KIAA1328: variants seen among roughly 807,000 people sequenced by gnomAD.
KIAA1328 encodes the protein protein hinderin.
KIAA1328 carries 52 observed loss-of-function variants against 68.1 expected under a neutral mutation model. The ratio of observed to expected loss-of-function variants is 0.76; its 90% confidence interval spans 0.61 to 0.96. The LOEUF is 0.96. Ranked by LOEUF, KIAA1328 falls within the 40% of genes least tolerant of loss-of-function variation. KIAA1328 has a pLI of 0.00. For synonymous variants in KIAA1328, 232 were observed against 239.4 expected (o/e 0.97, Z 0.28); for missense variants, 641 against 677.6 (o/e 0.95, Z 0.60).
chr18:36,952,995 C>T (rs1158102073), intron 5 of KIAA1328, among the ~76,000 whole-genome samples: 1 of 150,614 alleles, frequency 6.6e-6, no homozygotes, highest in Admixed American at 6.6e-5. Context: ...ACAACAAAAA[C>T]CAAAACCAAA....
downstream of KIAA1328, among the ~76,000 whole-genome samples, chr18:37,226,211 G>A (rs925997539): frequency 2.0e-5 from 3 of 151,904 alleles, no homozygotes; most frequent in African/African-American, 4.8e-5. Flanking sequence ...AGAGAGACGA[G>A]TCAAAGTCAA....
At chr18:36,942,870 C>T (rs2050764500) in intron 5 of KIAA1328, among the ~76,000 whole-genome samples, 1 of 152,088 alleles carries the variant, frequency 6.6e-6, no homozygotes, top group South Asian at 2.1e-4. Context: ...GTGACTTGAT[C>T]GACACATATG....
chr18:36,927,990 A>G (rs1390756434), intron 5 of KIAA1328, among the ~76,000 whole-genome samples: 1 of 152,190 alleles, frequency 6.6e-6, no homozygotes, highest in Non-Finnish European at 1.5e-5. Flanking sequence ...ACATATATAT[A>G]ATACTTAAAG....
chr18:37,001,715 A>T (rs2053591407), intron 6 of KIAA1328, among the ~76,000 whole-genome samples: 1 of 152,174 alleles, frequency 6.6e-6, no homozygotes, highest in Admixed American at 6.5e-5. Context: ...TAAATCAGTA[A>T]ATGTAGAACA....
At chr18:37,172,055 C>CA (rs2059510400) in intron 8 of KIAA1328, among the ~76,000 whole-genome samples, 1 of 152,334 alleles carries the variant, frequency 6.6e-6, no homozygotes, top group South Asian at 2.1e-4. Flanking sequence ...AGGTTGCACG[C>CA]AACCTGTTGC....
intron 5 of KIAA1328, among the ~76,000 whole-genome samples, chr18:36,905,909 A>G (rs1409169471): frequency 6.6e-6 from 1 of 152,164 alleles, no homozygotes. Context: ...GTAACTTCTC[A>G]TTCAGTGAGA....
chr18:37,041,235 G>C (rs1299448243), intron 6 of KIAA1328, among the ~76,000 whole-genome samples: 1 of 151,762 alleles, frequency 6.6e-6, no homozygotes, highest in Non-Finnish European at 1.5e-5. Context: ...TCAGTTGTCA[G>C]ACTTACATAT....
chr18:36,965,169 A>G (rs942175879), intron 6 of KIAA1328, among the ~76,000 whole-genome samples: 3 of 152,038 alleles, frequency 2.0e-5, no homozygotes, highest in Non-Finnish European at 2.9e-5. Context: ...GATTTCTTTT[A>G]TTTCCTTAAA....
At chr18:37,123,773 G>T (rs896349595) in intron 7 of KIAA1328, among the ~76,000 whole-genome samples, 1 of 152,016 alleles carries the variant, frequency 6.6e-6, no homozygotes, top group East Asian at 1.9e-4. Flanking sequence ...TGGAACAACC[G>T]TTTGTACAAG....
intron 7 of KIAA1328, among the ~76,000 whole-genome samples, chr18:37,115,537 G>A (rs927846681): frequency 1.3e-5 from 2 of 152,150 alleles, no homozygotes; most frequent in African/African-American, 2.4e-5. Flanking sequence ...AGCTATTTAT[G>A]ACAAACCCAC....
intron 5 of KIAA1328, among the ~76,000 whole-genome samples, chr18:36,948,142 G>C (rs2050976894): frequency 6.6e-6 from 1 of 151,944 alleles, no homozygotes; most frequent in South Asian, 2.1e-4. Flanking sequence ...AAGAAAGAGA[G>C]GTATCATGTG....
intron 9 of KIAA1328, among the ~76,000 whole-genome samples, chr18:37,186,642 A>G (rs1429444897): frequency 1.3e-5 from 2 of 151,152 alleles, no homozygotes; most frequent in Non-Finnish European, 2.9e-5. Flanking sequence ...AGATTTCTGG[A>G]TCTATGTTCT....
chr18:36,971,096 A>T (rs966382973), intron 6 of KIAA1328, among the ~76,000 whole-genome samples: 6 of 152,208 alleles, frequency 3.9e-5, no homozygotes, highest in Non-Finnish European at 5.9e-5. Context: ...CTGGTACCAA[A>T]GCAGATATAT....
chr18:37,091,917 A>G (rs766645470), intron 7 of KIAA1328, among the ~76,000 whole-genome samples: 3 of 152,112 alleles, frequency 2.0e-5, no homozygotes, highest in Non-Finnish European at 4.4e-5. Context: ...GGATGCTGCC[A>G]CTGATGGCAA....
chr18:36,915,742 C>A (rs1481500371), intron 5 of KIAA1328, among the ~76,000 whole-genome samples: 1 of 151,864 alleles, frequency 6.6e-6, no homozygotes, highest in African/African-American at 2.4e-5. Flanking sequence ...TATACATATA[C>A]AAAATGGCAT....
chr18:36,834,993 G>T (rs985082262), intron 2 of KIAA1328, among the ~76,000 whole-genome samples: 3 of 152,086 alleles, frequency 2.0e-5, no homozygotes, highest in African/African-American at 7.2e-5. Flanking sequence ...GACATAGGAA[G>T]ACCCTGTCTC....
intron 7 of KIAA1328, among the ~76,000 whole-genome samples, chr18:37,110,074 T>C (rs563850813): frequency 1.3e-5 from 2 of 152,162 alleles, no homozygotes; most frequent in Non-Finnish European, 2.9e-5. Context: ...AAATCACTTA[T>C]TTTTCAACAT....
chr18:36,898,029 G>A (rs1464760655), intron 5 of KIAA1328, among the ~76,000 whole-genome samples: 1 of 151,908 alleles, frequency 6.6e-6, no homozygotes, highest in Non-Finnish European at 1.5e-5. Context: ...TTATCACACA[G>A]GTTTATCAAA....
chr18:37,156,318 C>T lies in KIAA1328; in HGVS notation c.1233-3882C>T, dbSNP rs566921045. On this transcript the variant is annotated intron_variant, in intron 7 of 9. Transcript: ENST00000280020. ...TTGCATGCCTGTAATCCCAGCTACT[C>T]GGGAGGCTGAGGCAGGAGAACCGCT... Among the ~76,000 whole-genome samples the T allele has an allele frequency of 8.1e-5, 12 of 148,866 alleles. No individual in the cohort carries two copies. In the South Asian group the frequency reaches 1.7e-3, roughly 22 times the overall value.
Sources: gnomAD v4.1 joint callset for allele counts (sites outside exome capture counted in the v4.1 genomes callset) on GRCh38, gnomAD v4.1.1 for gene constraint, MANE v1.5 for transcripts, NCBI Gene and HGNC (gene_info 2026-07-23, HGNC 2026-07-21) for gene names.